CPQ: variants seen among roughly 807,000 people sequenced by gnomAD.
CPQ encodes the protein Ser-Met dipeptidase.
A neutral mutation model predicts 45.7 loss-of-function variants in CPQ; 37 were observed. The ratio of observed to expected loss-of-function variants is 0.81; its 90% CI spans 0.62 to 1.07. The LOEUF is 1.07. Among genes scored for constraint, CPQ ranks in the 50% least tolerant of loss-of-function variants. The probability of loss-of-function intolerance (pLI) is 0.00; values close to 1 mark genes in which losing one functional copy is unlikely to be tolerated. For missense variants in CPQ, 537 were observed against 572.9 expected, an observed-to-expected ratio of 0.94 and a Z score of 0.64; for synonymous variants, 186 against 205.8, an observed-to-expected ratio of 0.90 and a Z score of 0.82.
intron 2 of CPQ, among the ~76,000 whole-genome samples, chr8:96,822,183 T>G (rs1811315995): frequency 6.6e-6 from 1 of 152,056 alleles, no homozygotes; most frequent in Non-Finnish European, 1.5e-5. Context: ...CTATTTTACT[T>G]AACATAATGG....
chr8:97,082,125 T>C (rs755568739), intron 7 of CPQ, among the ~76,000 whole-genome samples: 10 of 152,170 alleles, frequency 6.6e-5, no homozygotes, highest in Non-Finnish European at 7.3e-5. Flanking sequence ...CACGGAAGGA[T>C]AGAGTTTGAT....
chr8:96,734,283 G>A (rs1049091917), intron 1 of CPQ, among the ~76,000 whole-genome samples: 8 of 152,136 alleles, frequency 5.3e-5, no homozygotes, highest in African/African-American at 1.7e-4. Flanking sequence ...TCTTTAAGTA[G>A]GCTGCTACCT....
chr8:96,664,895 A>C (rs1022945402), intron 1 of CPQ, among the ~76,000 whole-genome samples: 1 of 152,228 alleles, frequency 6.6e-6, no homozygotes, highest in South Asian at 2.1e-4. Context: ...TGAAGGAAAC[A>C]TAATTCACTT....
At chr8:97,032,237 A>G (rs1809918850) in intron 6 of CPQ, among the ~76,000 whole-genome samples, 1 of 152,210 alleles carries the variant, frequency 6.6e-6, no homozygotes. Flanking sequence ...TGCTCACTTA[A>G]CATCCAATCT....
At chr8:96,950,220 T>C (rs748858033) in intron 4 of CPQ, among the ~76,000 whole-genome samples, 15 of 152,262 alleles carry the variant, frequency 9.9e-5, no homozygotes, top group Admixed American at 5.2e-4. Context: ...ACTTCTTTAA[T>C]GGGTTTATGT....
chr8:96,849,949 TAGA>T (rs1330987759), intron 3 of CPQ, among the ~76,000 whole-genome samples: 4 of 152,220 alleles, frequency 2.6e-5, no homozygotes, highest in Non-Finnish European at 5.9e-5. Flanking sequence ...TTCAGCTAAG[TAGA>T]AGAACAAGGA....
chr8:96,902,988 G>C (rs1586444926), intron 4 of CPQ, among the ~76,000 whole-genome samples: 1 of 152,192 alleles, frequency 6.6e-6, no homozygotes. Flanking sequence ...TTGTGGCTTA[G>C]TGTGAAGTGA....
intron 5 of CPQ, among the ~76,000 whole-genome samples, chr8:97,025,268 T>C (rs1442257557): frequency 6.6e-6 from 1 of 152,190 alleles, no homozygotes; most frequent in Non-Finnish European, 1.5e-5. Flanking sequence ...CTATTATTAT[T>C]ACTCTCCTCA....
At position 96,838,669 on chromosome 8, in the gene CPQ, A is replaced by G. The variant is rs531061939; in HGVS notation, c.641+3489A>G. Reference sequence around the variant, plus strand: ...AAGACATTGATTACGTGTATTTTTTAACCTCTGGATTCCTATCATCTAGTA... The same window carrying G: ...AAGACATTGATTACGTGTATTTTTTGACCTCTGGATTCCTATCATCTAGTA... On this transcript the variant is annotated intron_variant, in intron 3 of 7. Transcript: ENST00000220763. Among the ~76,000 whole-genome samples, 7 of 151,988 alleles carry G rather than the reference A, an allele frequency of 4.6e-5. No homozygotes were observed. In the South Asian group the frequency reaches 8.3e-4, roughly 18 times the overall value.
chr8:97,114,650 A>C (rs973650738), intron 7 of CPQ, among the ~76,000 whole-genome samples: 6 of 152,202 alleles, frequency 3.9e-5, no homozygotes, highest in African/African-American at 1.2e-4. Context: ...TGGAAGTTAT[A>C]CCATTACCTA....
chr8:96,647,214 G>A (rs932638445), intron 1 of CPQ, among the ~76,000 whole-genome samples: 10 of 152,158 alleles, frequency 6.6e-5, no homozygotes, highest in Admixed American at 3.9e-4. Flanking sequence ...AGTTCCAAAT[G>A]TGTTAAGTAA....
At chr8:96,789,945 C>A (rs904479246) in intron 2 of CPQ, among the ~76,000 whole-genome samples, 1 of 152,038 alleles carries the variant, frequency 6.6e-6, no homozygotes, top group Admixed American at 6.6e-5. Flanking sequence ...AGCTTTTCAA[C>A]CCCCAGGGTT....
chr8:96,976,973 T>C (rs1813800880), intron 5 of CPQ, among the ~76,000 whole-genome samples: 1 of 151,866 alleles, frequency 6.6e-6, no homozygotes, highest in Admixed American at 6.6e-5. Context: ...CAAAAGCAAA[T>C]GCAACAAAAA....
intron 1 of CPQ, among the ~76,000 whole-genome samples, chr8:96,683,892 T>A (rs573535016): frequency 2.0e-5 from 3 of 152,300 alleles, no homozygotes; most frequent in Non-Finnish European, 2.9e-5. Flanking sequence ...CCTTTGGTTT[T>A]GTTCTCTTTG....
Position 97,053,354 on chromosome 8 carries a change from A to C in CPQ, c.1054-12655A>C, listed in dbSNP as rs78040237. Among the ~76,000 whole-genome samples, 229 of 152,322 alleles carry C rather than the reference A, an allele frequency of 1.5e-3. 2 individuals are homozygous for C. The highest frequency in any genetic ancestry group is 5.3e-3 in the African/African-American group (220 of 41,568). On this transcript the variant is annotated intron_variant, in intron 6 of 7. Transcript: ENST00000220763. ...TAACTGCTAAGGAGAAAAATAAAAC[A>C]GGGAGCAGAGATAGAGTACATGAGG...
chr8:96,662,845 G>T (rs1808850192), intron 1 of CPQ, among the ~76,000 whole-genome samples: 1 of 152,042 alleles, frequency 6.6e-6, no homozygotes, highest in African/African-American at 2.4e-5. Flanking sequence ...AGAATTAGTT[G>T]GGTGTGGTGT....
chr8:96,900,641 G>T (rs1812502049), intron 4 of CPQ, among the ~76,000 whole-genome samples: 1 of 152,120 alleles, frequency 6.6e-6, no homozygotes, highest in Admixed American at 6.6e-5. Context: ...AGGGTACATA[G>T]TGCTGCTTAT....
intron 3 of CPQ, among the ~76,000 whole-genome samples, chr8:96,879,192 T>C (rs1354737656): frequency 6.6e-6 from 1 of 152,254 alleles, no homozygotes; most frequent in Non-Finnish European, 1.5e-5. Context: ...ATAATAGTTT[T>C]TTTTTCTCTT....
At chr8:96,901,728 G>T (rs1053241576) in intron 4 of CPQ, among the ~76,000 whole-genome samples, 3 of 152,136 alleles carry the variant, frequency 2.0e-5, no homozygotes, top group Non-Finnish European at 2.9e-5. Context: ...GACTGGAAAT[G>T]ATTGTTCACA....
Sources: gnomAD v4.1 joint callset for allele counts (sites outside exome capture counted in the v4.1 genomes callset) on GRCh38, gnomAD v4.1.1 for gene constraint, MANE v1.5 for transcripts, NCBI Gene and HGNC (gene_info 2026-07-23, HGNC 2026-07-21) for gene names.